The following THBS4 variants were observed in gnomAD, a reference collection of about 807,000 sequenced individuals.
The protein encoded by THBS4 is thrombospondin-4.
THBS4 carries 90 observed loss-of-function variants against 115.7 expected under a neutral mutation model. The ratio of observed to expected loss-of-function variants is 0.78; its 90% CI spans 0.66 to 0.93. The LOEUF is 0.93. THBS4 is among the 40% of genes least tolerant of loss of function. The probability of loss-of-function intolerance (pLI) is 0.00; values close to 1 mark genes in which losing one functional copy is unlikely to be tolerated. For missense variants in THBS4, 1,087 were observed against 1,232.7 expected, an observed-to-expected ratio of 0.88 and a Z score of 1.77; for synonymous variants, 460 against 479.3, an observed-to-expected ratio of 0.96 and a Z score of 0.53.
intron 2 of THBS4, among the ~76,000 whole-genome samples, chr5:80,017,106 G>A (rs534202568): frequency 1.3e-5 from 2 of 152,284 alleles, no homozygotes; most frequent in East Asian, 3.9e-4. Context: ...GAATTACAAA[G>A]ATGTGTAGAA....
At chr5:80,079,814 G>A in intron 19 of THBS4, 91 bp from the exon 20 acceptor site, 1 of 1,354,310 alleles carries the variant, frequency 7.4e-7, no homozygotes, top group Non-Finnish European at 1.0e-6. Flanking sequence ...TTATAACCAT[G>A]ACTATAACCT....
At chr5:79,999,134 G>GA (rs779429227) in intron 2 of THBS4, among the ~76,000 whole-genome samples, 5 of 151,498 alleles carry the variant, frequency 3.3e-5, no homozygotes, top group Admixed American at 6.6e-5. Flanking sequence ...TTTTCTTTAA[G>GA]AAAAAAAAGC....
chr5:80,066,094 C>CAA (rs34135437), intron 9 of THBS4, among the ~76,000 whole-genome samples: 2,275 of 80,490 alleles, frequency 0.028, 22 homozygotes, highest in Middle Eastern at 0.051. Flanking sequence ...GACTCCCTCT[C>CAA]AAAAAAAAAA....
chr5:80,024,169 T>A (rs1410952143), intron 2 of THBS4, among the ~76,000 whole-genome samples: 1 of 152,188 alleles, frequency 6.6e-6, no homozygotes, highest in Non-Finnish European at 1.5e-5. Flanking sequence ...TCCACTCACC[T>A]GAAAACAGGT....
rs547916711 is a variant in THBS4, at chr5:80,072,409, C to T, written c.1839+13C>T. On this transcript the variant is annotated intron_variant, in intron 14 of 21. Transcript: ENST00000350881. ...CAACCCTAACCAGGTTAGTAGGATA[C>T]TGGGGAATTCAAACTCCAGGCTGAA... 1.1e-5 allele frequency: 18 copies of T among 1,605,578 alleles called. No homozygotes were observed. In the South Asian group the frequency reaches 1.9e-4, roughly 17 times the overall value.
intron 10 of THBS4, 47 bp from the exon 11 acceptor site, chr5:80,070,259 C>T: frequency 6.7e-7 from 1 of 1,501,324 alleles, no homozygotes; most frequent in Non-Finnish European, 8.9e-7. Flanking sequence ...CACCAGCTTC[C>T]TGCCAGGCTC....
At chr5:79,991,700 C>T (rs1831676310) in intron 1 of THBS4, among the ~76,000 whole-genome samples, 1 of 152,220 alleles carries the variant, frequency 6.6e-6, no homozygotes, top group African/African-American at 2.4e-5. Context: ...CCCTCATGTT[C>T]ACTGGCACAA....
intron 2 of THBS4, among the ~76,000 whole-genome samples, chr5:80,017,541 T>C (rs2151156994): frequency 6.6e-6 from 1 of 152,332 alleles, no homozygotes; most frequent in Admixed American, 6.5e-5. Flanking sequence ...ACTAATCAAA[T>C]TGCTTCCCAT....
chr5:80,044,777 G>C (rs1053848120), intron 2 of THBS4, among the ~76,000 whole-genome samples: 2 of 151,998 alleles, frequency 1.3e-5, no homozygotes, highest in Non-Finnish European at 2.9e-5. Flanking sequence ...TTTGGAATAG[G>C]ATGTAAGAGG....
rs1404437049 is a variant in THBS4, at chr5:80,067,995, G to A, written c.1217G>A (p.Cys406Tyr). 1 of 1,614,156 alleles carries A rather than the reference G, an allele frequency of 6.2e-7. No homozygotes were observed. The highest frequency in any genetic ancestry group is 8.5e-7 in the Non-Finnish European group (1 of 1,180,022). Residue 406 changes from cysteine (C) to tyrosine (Y), a missense_variant, in exon 10 of 22, where the codon TGT becomes TAT. Physicochemically the swap from Cys to Tyr is radical, Grantham distance 194 (BLOSUM62 -2). Around this residue, in one of 3 missense-constraint regions of THBS4, gnomAD observed 979 missense variants for 1,103.7 expected, o/e 0.89. Transcript: ENST00000350881. ...CAGGGATCTTACCGCTGTGGGCCTT[G>A]TAAGCCGGGGTATACTGGTGATCAG... ...NTLGSYRCGP[C>Y]KPGYTGDQIR...
intron 1 of THBS4, among the ~76,000 whole-genome samples, chr5:80,037,534 T>C (rs1832754608): frequency 6.6e-6 from 1 of 152,184 alleles, no homozygotes; most frequent in Non-Finnish European, 1.5e-5. Context: ...AATGGTAGTG[T>C]CTCATTTCCT....
chr5:80,035,871 A>G lies in THBS4; in HGVS notation c.88+246A>G, dbSNP rs777214971. On this transcript the variant is annotated intron_variant, in intron 1 of 21. Coordinates refer to ENST00000350881, the MANE Select transcript of THBS4 (RefSeq NM_003248.6). This position sits in a 1 kb window ranked among gnomAD's most constrained non-coding sequence, Gnocchi z 4.6. Reference sequence around the variant, plus strand: ...GGGGGATGCAAAATTGTTTCAGACTATGCAAAGATGTGGGGTGGGGTTGCC... The same window carrying G: ...GGGGGATGCAAAATTGTTTCAGACTGTGCAAAGATGTGGGGTGGGGTTGCC... 1.1e-4 allele frequency among the ~76,000 whole-genome samples: 16 copies of G among 152,220 alleles called. No individual in the cohort carries two copies. The highest frequency in any genetic ancestry group is 3.2e-3 in the Middle Eastern group (1 of 316).
intron 2 of THBS4, among the ~76,000 whole-genome samples, chr5:80,054,843 A>G (rs972902299): frequency 6.6e-6 from 1 of 152,116 alleles, no homozygotes; most frequent in African/African-American, 2.4e-5. Context: ...ATTACACTCG[A>G]TTTGATGTGT....
At chr5:80,047,387 GGTTTT>G (rs1419633436) in intron 2 of THBS4, among the ~76,000 whole-genome samples, 7 of 151,924 alleles carry the variant, frequency 4.6e-5, no homozygotes, top group African/African-American at 1.7e-4. Context: ...TGTTTTGTTT[GGTTTT>G]GTTTTTTGTT....
chr5:80,060,032 C>T (rs1833580281), intron 7 of THBS4, 127 bp downstream of exon 7: 1 of 861,912 alleles, frequency 1.2e-6, no homozygotes, highest in Admixed American at 2.3e-5. Flanking sequence ...ATTGAAACCA[C>T]TTGCTTGGAG....
Position 80,072,329 on chromosome 5 carries a change from G to C in THBS4, c.1772G>C (p.Arg591Pro), listed in dbSNP as rs749105558. 1 of 1,614,150 alleles carries C rather than the reference G, an allele frequency of 6.2e-7. No homozygotes were observed. The highest frequency in any genetic ancestry group is 1.7e-5 in the Admixed American group (1 of 60,026). The stretch of plus-strand genomic sequence containing the variant: ...CCAAAATTTCCCAATCGTGACCAAC[G>C]GGACAAGGATGGTGATGGTGTGGGG... ...NCPKFPNRDQ[R>P]DKDGDGVGDA... Residue 591 changes from arginine to proline, a missense_variant, in exon 14 of 22, where the codon CGG (arginine) becomes CCG (proline). Transcript: ENST00000350881.
At chr5:80,067,781 C>T (rs1833884619) in intron 9 of THBS4, 192 bp from the exon 10 acceptor site, 1 of 578,848 alleles carries the variant, frequency 1.7e-6, no homozygotes, top group African/African-American at 1.9e-5. Context: ...CCGGACGCAG[C>T]CTCCAGTCTG....
chr5:80,064,964 AAAG>A (rs1032838995), intron 8 of THBS4, among the ~76,000 whole-genome samples: 23 of 152,144 alleles, frequency 1.5e-4, no homozygotes, highest in African/African-American at 4.6e-4. Flanking sequence ...TTAGGAGTCA[AAAG>A]AAGATATTAA....
chr5:79,991,427 C>T (rs1831670363), intron 1 of THBS4: 1 of 514,502 alleles, frequency 1.9e-6, no homozygotes, highest in Non-Finnish European at 3.4e-6. Flanking sequence ...GAGTTGTGTG[C>T]CTTAAGTCAG....
Sources: allele counts gnomAD v4.1 joint callset (sites outside exome capture counted in the v4.1 genomes callset), GRCh38; gene constraint gnomAD v4.1.1; regional missense constraint gnomAD v4.1.1; non-coding constraint Gnocchi (gnomAD v3.1); transcripts MANE v1.5; gene names NCBI Gene and HGNC (gene_info 2026-07-23, HGNC 2026-07-21).